Variants in DDX1 observed in about 807,000 individuals in gnomAD.
DDX1 encodes DEAD-box helicase 1.
In DDX1, 28 loss-of-function variants were observed where a neutral mutation model predicts 108.7. That is an observed-to-expected ratio of 0.26 (90% confidence interval 0.19 to 0.35). The LOEUF (loss-of-function observed/expected upper bound fraction) is 0.35, where lower values mean the gene tolerates loss of function less well. Ranked by LOEUF, DDX1 falls within the 10% of genes least tolerant of loss-of-function variation. The pLI is 1.00. For missense variants in DDX1, 710 were observed against 884.5 expected (o/e 0.80, Z 2.50); for synonymous variants, 295 against 288.9 (o/e 1.02, Z -0.21).
Position 15,617,227 on chromosome 2 carries a change from G to A in DDX1, c.1018-17G>A, listed in dbSNP as rs1413078921. On this transcript the variant is annotated splice_polypyrimidine_tract_variant and intron_variant, in intron 14 of 25. Transcript: ENST00000233084. ...TTTCTTTAGTTTTCATTAAGTGGTT[G>A]GTTTGCTTTTTTTCAGGTAGATATA... The A allele has an allele frequency of 1.5e-6, 2 of 1,378,528 alleles. No individual in the cohort carries two copies. The highest frequency in any genetic ancestry group is 1.4e-5 in the South Asian group (1 of 72,816). 85.4% of individuals were successfully genotyped at this position (1,378,528 alleles called of 1,614,324 possible).
rs756847391 is a variant in DDX1, at chr2:15,617,201, G to C, written c.1018-43G>C. 30 of 1,037,092 alleles carry C rather than the reference G, an allele frequency of 2.9e-5. 2 individuals carry two copies. The Middle Eastern group carries it at 3.8e-3, about 131-fold the overall frequency. 64.2% of individuals were successfully genotyped at this position (1,037,092 alleles called of 1,614,324 possible). ...GTTGCTATTTTAACGTAATTATACT[G>C]TTTCTTTAGTTTTCATTAAGTGGTT... On this transcript the variant is annotated intron_variant, in intron 14 of 25. Transcript: ENST00000233084.
intron 13 of DDX1, among the ~76,000 whole-genome samples, chr2:15,608,592 A>C (rs1665703760): frequency 6.7e-6 from 1 of 150,026 alleles, no homozygotes; most frequent in East Asian, 1.9e-4. Context: ...CAAGGTGTGT[A>C]ACTGTCACCA....
chr2:15,623,639 A>C, intron 19 of DDX1, 57 bp downstream of exon 19: 1 of 1,448,564 alleles, frequency 6.9e-7, no homozygotes, highest in East Asian at 2.3e-5. Context: ...ATAGATTATT[A>C]ATCTCATGTT....
chr2:15,602,409 G>T lies in DDX1; in HGVS notation c.308-139G>T, dbSNP rs576972158. 6.4e-6 allele frequency: 4 copies of T among 628,544 alleles called. No homozygotes were observed. The African/African-American group carries it at 7.3e-5, about 12-fold the overall frequency. The allele number at this position is 628,544 out of a possible 1,614,324, so 38.9% of individuals were successfully genotyped here. On this transcript the variant is annotated intron_variant, in intron 6 of 25. Coordinates refer to ENST00000233084, the MANE Select transcript of DDX1 (RefSeq NM_004939.3). ...ATCACTCAGGAATCAGTAAGTCTCA[G>T]TCTCTGGAACATTGCAACAAATGAA...
At position 15,630,123 on chromosome 2, in the gene DDX1, T is replaced by G; in HGVS notation, c.2092+13T>G. 6.2e-7 allele frequency: 1 copy of G among 1,611,174 alleles called. No homozygotes were observed. Among genetic ancestry groups the G allele is most frequent in the Non-Finnish European group, 8.5e-7 (1 of 1,179,100 alleles). ...AGGGCTGCTGGTGGTAAGCTTTGAA[T>G]TATTTTAAATACAATTTTAAATGTA... On this transcript the variant is annotated intron_variant, in intron 25 of 25. Coordinates refer to ENST00000233084, the MANE Select transcript of DDX1 (RefSeq NM_004939.3).
chr2:15,611,802 T>A (rs1280356289), intron 13 of DDX1, among the ~76,000 whole-genome samples: 1 of 86,474 alleles, frequency 1.2e-5, no homozygotes, highest in African/African-American at 5.5e-5. Context: ...CCCCCCCACC[T>A]CCCTCCCGGA....
intron 23 of DDX1, 62 bp downstream of exon 23, chr2:15,628,901 A>C: frequency 5.3e-6 from 8 of 1,495,520 alleles, no homozygotes; most frequent in Non-Finnish European, 7.4e-6. Context: ...TGTTGGAAAT[A>C]AAAGCAGTTT....
In DDX1 at chr2:15,606,226, A is replaced by G. The variant is rs761538583; in HGVS notation, c.779A>G (p.Lys260Arg). 1.9e-6 allele frequency: 3 copies of G among 1,614,102 alleles called. No individual in the cohort carries two copies. In the Admixed American group the frequency reaches 5.0e-5, roughly 27 times the overall value. Residue 260 changes from lysine to arginine, a missense_variant, in exon 12 of 26, where the codon AAG (lysine) becomes AGG (arginine). By Grantham distance (26) the Lys-to-Arg change is conservative. Around this residue, in one of 3 missense-constraint regions of DDX1, gnomAD observed 661 missense variants for 810.2 expected, o/e 0.82. Coordinates refer to ENST00000233084, the MANE Select transcript of DDX1 (RefSeq NM_004939.3). The part of the protein sequence containing the change: ...PPKDGFVALS[K>R]APDGYIVKSQ... ...AAAGATGGCTTTGTTGCTCTTTCCAAGGCACCGGATGGTTACATTGTCAAA... is the reference window on the plus strand; with the variant it reads ...AAAGATGGCTTTGTTGCTCTTTCCAGGGCACCGGATGGTTACATTGTCAAA...
At position 15,627,138 on chromosome 2, in the gene DDX1, G is replaced by A. The variant is rs1666111590; in HGVS notation, c.1679G>A (p.Arg560Lys). ...KPHERKQNLE[R>K]FKKGDVRFLI... ...CATGAGAGAAAGCAAAACTTGGAAA[G>A]ATTTAAGGTACTGATACATAGTTGA... Residue 560 changes from arginine to lysine, a missense_variant, in exon 20 of 26, where the codon AGA becomes AAA. Arg to Lys is a conservative substitution (Grantham distance 26). Coordinates refer to ENST00000233084, the MANE Select transcript of DDX1 (RefSeq NM_004939.3). The A allele has an allele frequency of 6.3e-7, 1 of 1,591,998 alleles. No homozygotes were observed. Among genetic ancestry groups the A allele is most frequent in the Non-Finnish European group, 8.6e-7 (1 of 1,160,988 alleles).
At chr2:15,605,898 A>T (rs1292050846) in intron 10 of DDX1, 52 bp from the exon 11 acceptor site, 2 of 1,231,222 alleles carry the variant, frequency 1.6e-6, no homozygotes, top group African/African-American at 3.1e-5. Context: ...TGTCAGCATG[A>T]GGAAGGTCTT....
chr2:15,630,134 A>G (rs1196612687), intron 25 of DDX1, 24 bp downstream of exon 25: 1 of 1,610,450 alleles, frequency 6.2e-7, no homozygotes, highest in Non-Finnish European at 8.5e-7. Flanking sequence ...TATTTTAAAT[A>G]CAATTTTAAA....
chr2:15,605,925 C>A, intron 10 of DDX1, 25 bp from the exon 11 acceptor site: 4 of 1,136,298 alleles, frequency 3.5e-6, no homozygotes, highest in Non-Finnish European at 3.6e-6. Flanking sequence ...TTGTTTTAAT[C>A]TCTCTCTCTC....
At chr2:15,619,595 C>T (rs1424526830) in intron 16 of DDX1, among the ~76,000 whole-genome samples, 1 of 152,172 alleles carries the variant, frequency 6.6e-6, no homozygotes. Flanking sequence ...TGTTTGGTCC[C>T]CTCTCATTAA....
chr2:15,620,774 G>A (rs1665990817), intron 17 of DDX1, among the ~76,000 whole-genome samples: 1 of 151,902 alleles, frequency 6.6e-6, no homozygotes, highest in South Asian at 2.1e-4. Flanking sequence ...TTTCTTCACT[G>A]TGATTAGATT....
chr2:15,624,942 A>G lies in DDX1; in HGVS notation c.1594+1360A>G, dbSNP rs373032898. 5.3e-5 allele frequency among the ~76,000 whole-genome samples: 8 copies of G among 152,198 alleles called. No individual in the cohort carries two copies. The South Asian group carries it at 8.3e-4, about 16-fold the overall frequency. On this transcript the variant is annotated intron_variant, in intron 19 of 25. Transcript: ENST00000233084. ...AAAAATGCTGTCTTATGGCCTAGCA[A>G]TTAAACTGCTAGATGTTTACCCAGG...
At chr2:15,616,035 T>C in intron 14 of DDX1, among the ~76,000 whole-genome samples, 1 of 150,794 alleles carries the variant, frequency 6.6e-6, no homozygotes. Context: ...TGGGACTAGA[T>C]GTGCACGCCG....
chr2:15,604,406 A>G (rs1573039512), intron 9 of DDX1, 31 bp from the exon 10 acceptor site: 2 of 1,399,826 alleles, frequency 1.4e-6, no homozygotes, highest in East Asian at 2.3e-5. Flanking sequence ...TTTACTTTCT[A>G]TTAATAGCAT....
intron 1 of DDX1, among the ~76,000 whole-genome samples, chr2:15,593,926 A>C (rs1665458339): frequency 6.6e-6 from 1 of 152,074 alleles, no homozygotes; most frequent in African/African-American, 2.4e-5. Flanking sequence ...AATATGAAAA[A>C]AAATTAGCGG....
chr2:15,599,173 G>A (rs919339300), intron 5 of DDX1: 8 of 151,540 alleles, frequency 5.3e-5, no homozygotes, highest in Non-Finnish European at 7.4e-5. Flanking sequence ...TTTCAGTTGC[G>A]TTTTTGCTTT....
Sources: allele counts gnomAD v4.1 joint callset (sites outside exome capture counted in the v4.1 genomes callset), GRCh38; gene constraint gnomAD v4.1.1; regional missense constraint gnomAD v4.1.1; transcripts MANE v1.5; gene names NCBI Gene and HGNC (gene_info 2026-07-23, HGNC 2026-07-21).